The following ABCB1 variants were observed in gnomAD, a reference collection of about 807,000 sequenced individuals.
ABCB1 encodes ATP-dependent translocase ABCB1.
A neutral mutation model predicts 142.0 loss-of-function variants in ABCB1; 69 were observed. The observed-to-expected ratio is 0.49, with a 90% confidence interval of 0.40 to 0.59. The LOEUF is 0.59. Among genes scored for constraint, ABCB1 ranks in the 20% least tolerant of loss-of-function variants. The pLI, the probability that ABCB1 is intolerant of heterozygous loss-of-function variation, is 0.00. For missense variants in ABCB1, 1,326 were observed against 1,554.7 expected, an observed-to-expected ratio of 0.85 and a Z score of 2.47; for synonymous variants, 532 against 539.2, an observed-to-expected ratio of 0.99 and a Z score of 0.18.
At chr7:87,677,277 A>G (rs2130563690) in intron 1 of ABCB1, among the ~76,000 whole-genome samples, 1 of 106,168 alleles carries the variant, frequency 9.4e-6, no homozygotes, top group Non-Finnish European at 2.0e-5. Flanking sequence ...TGTATATAAC[A>G]CACACACACA....
intron 8 of ABCB1, among the ~76,000 whole-genome samples, chr7:87,556,864 C>T (rs1234704857): frequency 1.3e-5 from 2 of 152,098 alleles, no homozygotes; most frequent in African/African-American, 4.8e-5. Context: ...CCCTGCCCAC[C>T]CCAATCTCCC....
intron 1 of ABCB1, among the ~76,000 whole-genome samples, chr7:87,668,031 A>AT (rs566466239): frequency 1.3e-5 from 2 of 151,126 alleles, no homozygotes; most frequent in African/African-American, 4.9e-5. Context: ...CCTCTTCCTC[A>AT]TTTTTTTGGA....
At position 87,585,668 on chromosome 7, in the gene ABCB1, T is replaced by G. The variant is rs774528779; in HGVS notation, c.130A>C (p.Asn44His). ...ACCATATACAACTTGTCAAGCCAATTTGAATAGCGAAACTAAAAAGAGAGA... is the reference window on the plus strand; with the variant it reads ...ACCATATACAACTTGTCAAGCCAATGTGAATAGCGAAACTAAAAAGAGAGA... ...VSVFSMFRYS[N>H]WLDKLYMVVG... Residue 44 changes from asparagine (N) to histidine (H), a missense_variant, in exon 4 of 28, where the codon AAT becomes CAT. Physicochemically the swap from Asn to His is moderately conservative, Grantham distance 68. Coordinates refer to ENST00000622132, the MANE Select transcript of ABCB1 (RefSeq NM_001348946.2). The G allele has an allele frequency of 1.2e-6, 2 of 1,613,774 alleles. No individual in the cohort carries two copies. Among genetic ancestry groups the G allele is most frequent in the Admixed American group, 3.3e-5 (2 of 60,010 alleles).
chr7:87,565,751 G>GTT (rs535255207), intron 7 of ABCB1, among the ~76,000 whole-genome samples: 30 of 145,158 alleles, frequency 2.1e-4, no homozygotes, highest in African/African-American at 6.3e-4. Flanking sequence ...TGGAGTTCAA[G>GTT]TTTTTTTTTT....
chr7:87,537,106 A>C (rs1470998307), intron 19 of ABCB1: 1 of 155,680 alleles, frequency 6.4e-6, no homozygotes, highest in Non-Finnish European at 1.4e-5. Flanking sequence ...CCTTTGTATG[A>C]ATTTGTAAAA....
chr7:87,625,763 A>C (rs1820396213), intron 1 of ABCB1, among the ~76,000 whole-genome samples: 1 of 152,148 alleles, frequency 6.6e-6, no homozygotes, highest in Non-Finnish European at 1.5e-5. Flanking sequence ...TCCGTGTCAC[A>C]GGAGAGCAGA....
At chr7:87,594,404 A>G (rs146972018) in intron 3 of ABCB1, among the ~76,000 whole-genome samples, 32 of 152,340 alleles carry the variant, frequency 2.1e-4, no homozygotes, top group African/African-American at 7.5e-4. Context: ...TTAAAGCTCC[A>G]TATTTTTATT....
intron 1 of ABCB1, among the ~76,000 whole-genome samples, chr7:87,635,080 G>A (rs1431343133): frequency 6.6e-6 from 1 of 152,160 alleles, no homozygotes; most frequent in African/African-American, 2.4e-5. Flanking sequence ...GTTGCTGCTT[G>A]ATAATTGTCA....
intron 1 of ABCB1, among the ~76,000 whole-genome samples, chr7:87,697,586 T>C (rs1399521311): frequency 1.3e-5 from 2 of 152,238 alleles, no homozygotes; most frequent in Non-Finnish European, 2.9e-5. Flanking sequence ...ACTTTGCATC[T>C]CATTCCTACT....
At chr7:87,563,245 C>T (rs1418230555) in intron 7 of ABCB1, 2 of 305,276 alleles carry the variant, frequency 6.6e-6, no homozygotes, top group Admixed American at 7.8e-5. Context: ...AAAAGAAGAG[C>T]TGATACCATT....
chr7:87,580,208 C>A (rs1818452125), intron 4 of ABCB1, among the ~76,000 whole-genome samples: 1 of 152,152 alleles, frequency 6.6e-6, no homozygotes, highest in African/African-American at 2.4e-5. Flanking sequence ...AAAGAACTCC[C>A]TTTAGCATTT....
intron 3 of ABCB1, among the ~76,000 whole-genome samples, chr7:87,587,561 C>A (rs1284120609): frequency 1.3e-5 from 2 of 152,102 alleles, no homozygotes; most frequent in African/African-American, 4.8e-5. Context: ...GGTGATGCTT[C>A]CTTCCAGCTT....
chr7:87,630,538 C>T (rs753811465), intron 1 of ABCB1, among the ~76,000 whole-genome samples: 30 of 151,848 alleles, frequency 2.0e-4, no homozygotes, highest in Non-Finnish European at 4.1e-4. Flanking sequence ...ATTTTCTTAA[C>T]CATAATATAC....
At chr7:87,657,788 C>T (rs1461099490) in intron 1 of ABCB1, among the ~76,000 whole-genome samples, 1 of 152,112 alleles carries the variant, frequency 6.6e-6, no homozygotes, top group Non-Finnish European at 1.5e-5. Flanking sequence ...GAAGCCTGGA[C>T]TCCAAGTCCC....
intron 24 of ABCB1, among the ~76,000 whole-genome samples, chr7:87,516,195 A>T (rs906002085): frequency 6.6e-6 from 1 of 152,130 alleles, no homozygotes; most frequent in Non-Finnish European, 1.5e-5. Flanking sequence ...GCAGTGAGCT[A>T]TGATCATACT....
At position 87,587,988 on chromosome 7, in the gene ABCB1, G is replaced by T. The variant is rs188493986; in HGVS notation, c.118-2308C>A. Among the ~76,000 whole-genome samples the T allele has an allele frequency of 9.8e-4, 149 of 152,002 alleles. 1 individual carries two copies. The highest frequency in any genetic ancestry group is 3.6e-3 in the African/African-American group (148 of 41,502). On this transcript the variant is annotated intron_variant, in intron 3 of 27. Transcript: ENST00000622132. ...GACCCTCAAGTTTGGGGTGTAAAGT[G>T]TGGAAACAGAAATAGCTGACTGATC...
chr7:87,649,576 C>A (rs1823365072), intron 1 of ABCB1, among the ~76,000 whole-genome samples: 2 of 152,152 alleles, frequency 1.3e-5, no homozygotes, highest in Admixed American at 1.3e-4. Context: ...TTGGAAAATA[C>A]ATTGATTTTT....
intron 1 of ABCB1, among the ~76,000 whole-genome samples, chr7:87,663,924 A>G (rs557152611): frequency 6.6e-6 from 1 of 152,200 alleles, no homozygotes; most frequent in African/African-American, 2.4e-5. Flanking sequence ...GTATGATCCT[A>G]CTGGATGAAG....
chr7:87,543,337 A>C (rs1816626532), intron 17 of ABCB1, among the ~76,000 whole-genome samples: 2 of 152,214 alleles, frequency 1.3e-5, no homozygotes, highest in South Asian at 4.1e-4. Context: ...ATTAAGCATG[A>C]ATGTCATTAA....
Sources: allele counts gnomAD v4.1 joint callset (sites outside exome capture counted in the v4.1 genomes callset), GRCh38; gene constraint gnomAD v4.1.1; transcripts MANE v1.5; gene names NCBI Gene and HGNC (gene_info 2026-07-23, HGNC 2026-07-21).